Variants in SMYD3 observed in about 807,000 individuals in gnomAD.
The protein encoded by SMYD3 is histone-lysine N-methyltransferase SMYD3.
A neutral mutation model predicts 57.7 loss-of-function variants in SMYD3; 36 were observed. The observed-to-expected ratio is 0.62, with a 90% confidence interval of 0.48 to 0.82. SMYD3 has a LOEUF of 0.82. Among genes scored for constraint, SMYD3 ranks in the 40% least tolerant of loss-of-function variants. SMYD3 has a pLI of 0.00. For synonymous variants in SMYD3, 211 were observed against 195.0 expected, an observed-to-expected ratio of 1.08 and a Z score of -0.68; for missense variants, 515 against 538.8, an observed-to-expected ratio of 0.96 and a Z score of 0.44.
At chr1:245,989,007 C>T (rs2148107208) in intron 5 of SMYD3, among the ~76,000 whole-genome samples, 1 of 152,318 alleles carries the variant, frequency 6.6e-6, no homozygotes, top group Non-Finnish European at 1.5e-5. Flanking sequence ...TTATTTAAGC[C>T]TTGAGGTTGT....
chr1:245,761,354 C>G (rs532543087), intron 11 of SMYD3, among the ~76,000 whole-genome samples: 34 of 152,204 alleles, frequency 2.2e-4, no homozygotes, highest in African/African-American at 7.5e-4. Context: ...GCAGAACAGA[C>G]CTGGGCATGA....
chr1:246,165,172 C>G (rs550682349), intron 5 of SMYD3, among the ~76,000 whole-genome samples: 2 of 152,170 alleles, frequency 1.3e-5, no homozygotes, highest in Non-Finnish European at 1.5e-5. Flanking sequence ...TGCTGCTCAT[C>G]GCAACTACAG....
chr1:246,190,177 G>A (rs553105122), intron 5 of SMYD3, among the ~76,000 whole-genome samples: 2 of 152,098 alleles, frequency 1.3e-5, no homozygotes, highest in Admixed American at 6.5e-5. Flanking sequence ...TTACATAATC[G>A]CTCTCAATCT....
chr1:245,957,354 A>G (rs1361060134), intron 5 of SMYD3, among the ~76,000 whole-genome samples: 1 of 152,080 alleles, frequency 6.6e-6, no homozygotes, highest in Non-Finnish European at 1.5e-5. Flanking sequence ...TCAATATTCA[A>G]TCTTCCCCCT....
intron 5 of SMYD3, among the ~76,000 whole-genome samples, chr1:246,201,443 T>C (rs145556737): frequency 6.6e-6 from 1 of 152,362 alleles, no homozygotes; most frequent in African/African-American, 2.4e-5. Context: ...TGGGTCACTA[T>C]ATCTGTAACC....
chr1:246,201,682 T>C (rs1409300917), intron 5 of SMYD3, among the ~76,000 whole-genome samples: 7 of 152,190 alleles, frequency 4.6e-5, no homozygotes, highest in African/African-American at 1.7e-4. Flanking sequence ...ATGATCCGGT[T>C]CACATCAATC....
At chr1:246,405,124 A>G (rs964472799) in intron 1 of SMYD3, among the ~76,000 whole-genome samples, 3 of 151,814 alleles carry the variant, frequency 2.0e-5, no homozygotes, top group African/African-American at 2.4e-5. Context: ...GCTAATTTTT[A>G]TATTTTTTGC....
At chr1:246,204,562 G>A (rs966822517) in intron 5 of SMYD3, among the ~76,000 whole-genome samples, 9 of 143,318 alleles carry the variant, frequency 6.3e-5, no homozygotes, top group Admixed American at 2.0e-4. Context: ...CTTTGTCAAA[G>A]CTCACCACTT....
chr1:245,894,463 C>T (rs757693110), intron 8 of SMYD3, among the ~76,000 whole-genome samples: 65 of 152,058 alleles, frequency 4.3e-4, no homozygotes, highest in Non-Finnish European at 1.9e-4. Flanking sequence ...TCACTCTTCA[C>T]AATACATCCT....
intron 5 of SMYD3, among the ~76,000 whole-genome samples, chr1:246,296,290 T>C (rs1234142531): frequency 6.6e-6 from 1 of 152,196 alleles, no homozygotes; most frequent in African/African-American, 2.4e-5. Flanking sequence ...TGGTAACACT[T>C]GCCCCCACAA....
chr1:246,111,494 T>A (rs955771926), intron 5 of SMYD3: 5 of 152,190 alleles, frequency 3.3e-5, no homozygotes, highest in African/African-American at 1.2e-4. Flanking sequence ...ACACTCTACT[T>A]CTGGATATCC....
At chr1:246,020,870 G>A (rs749283852) in intron 5 of SMYD3, among the ~76,000 whole-genome samples, 16 of 152,004 alleles carry the variant, frequency 1.1e-4, no homozygotes, top group Admixed American at 2.6e-4. Flanking sequence ...AACTTTTAAC[G>A]TGACTGAATC....
At chr1:245,962,144 T>C (rs190856715) in intron 5 of SMYD3, among the ~76,000 whole-genome samples, 1 of 152,242 alleles carries the variant, frequency 6.6e-6, no homozygotes, top group African/African-American at 2.4e-5. Flanking sequence ...ACCATTTGAC[T>C]GGAGAAAGGT....
At chr1:246,008,282 C>G (rs144292974) in intron 5 of SMYD3, among the ~76,000 whole-genome samples, 5 of 151,246 alleles carry the variant, frequency 3.3e-5, no homozygotes, top group Non-Finnish European at 7.4e-5. Context: ...TATCCACAGA[C>G]GCACAGAGCG....
chr1:246,162,335 G>A (rs2062136310), intron 5 of SMYD3, among the ~76,000 whole-genome samples: 1 of 152,196 alleles, frequency 6.6e-6, no homozygotes, highest in South Asian at 2.1e-4. Context: ...TCTGTCAGAG[G>A]CAGGCAGAAG....
chr1:246,490,851 A>G (rs1007429854), intron 1 of SMYD3, among the ~76,000 whole-genome samples: 1 of 152,214 alleles, frequency 6.6e-6, no homozygotes, highest in African/African-American at 2.4e-5. Context: ...TGGGCAACAG[A>G]GTGAGACCCT....
rs113961144 is a variant in SMYD3, at chr1:246,006,351, G to A, written c.532-76414C>T. 5.8e-4 allele frequency among the ~76,000 whole-genome samples: 89 copies of A among 152,184 alleles called. 1 individual carries two copies. Among genetic ancestry groups the A allele is most frequent in the African/African-American group, 1.9e-3 (79 of 41,514 alleles). ...GCGGGGGGCGGGACAGGGGAGACAC[G>A]GGTGGTGAGGAACAGTCCAGGGATA... is the stretch of plus-strand genomic sequence containing the variant. On this transcript the variant is annotated intron_variant, in intron 5 of 11. Transcript: ENST00000490107.
intron 10 of SMYD3, among the ~76,000 whole-genome samples, chr1:245,839,326 C>CCT: frequency 6.6e-6 from 1 of 152,234 alleles, no homozygotes; most frequent in South Asian, 2.1e-4. Flanking sequence ...CCTGCCACAG[C>CCT]GCCCAGCTAA....
At chr1:246,292,956 T>C (rs758173703) in intron 5 of SMYD3, among the ~76,000 whole-genome samples, 2 of 151,978 alleles carry the variant, frequency 1.3e-5, no homozygotes, top group Non-Finnish European at 2.9e-5. Flanking sequence ...TTGGGAAAAA[T>C]TGCTGATGAA....
Sources: allele counts gnomAD v4.1 joint callset (sites outside exome capture counted in the v4.1 genomes callset), GRCh38; gene constraint gnomAD v4.1.1; transcripts MANE v1.5; gene names NCBI Gene and HGNC (gene_info 2026-07-23, HGNC 2026-07-21).